Variants in LRRC49 observed in about 807,000 individuals in gnomAD.
The protein encoded by LRRC49 is leucine-rich repeat-containing protein 49.
A neutral mutation model predicts 83.3 loss-of-function variants in LRRC49; 50 were observed. That is an observed-to-expected ratio of 0.60 (90% confidence interval 0.48 to 0.76). LRRC49 has a LOEUF of 0.76. Among genes scored for constraint, LRRC49 ranks in the 30% least tolerant of loss-of-function variants. The pLI is 0.00. For missense variants in LRRC49, 704 were observed against 809.1 expected (o/e 0.87, Z 1.58); for synonymous variants, 286 against 283.3 (o/e 1.01, Z -0.10).
intron 9 of LRRC49, among the ~76,000 whole-genome samples, chr15:70,968,069 A>C (rs959245316): frequency 6.6e-6 from 1 of 151,964 alleles, no homozygotes; most frequent in African/African-American, 2.4e-5. Context: ...TACAGGTGCC[A>C]TGGTGGTTTG....
chr15:71,001,633 C>G (rs375880363), intron 11 of LRRC49, among the ~76,000 whole-genome samples: 6 of 152,000 alleles, frequency 3.9e-5, no homozygotes, highest in African/African-American at 1.2e-4. Flanking sequence ...CATTACTTTA[C>G]TATTCTTCAA....
rs1263465020 is a variant in LRRC49 at position 71,008,579 on chromosome 15, T to G, written c.1370T>G (p.Val457Gly). 7 of 1,612,362 alleles carry G rather than the reference T, an allele frequency of 4.3e-6. No homozygotes were observed. Among genetic ancestry groups the G allele is most frequent in the Non-Finnish European group, 5.9e-6 (7 of 1,178,926 alleles). The change falls in exon 12 of 16, where the codon GTG (valine) becomes GGG (glycine). Residue 457 changes from valine (V) to glycine (G), a missense_variant. By Grantham distance (109) the Val-to-Gly change is moderately radical. This residue lies in a region of LRRC49 where 275 missense variants were observed against 338.0 expected (regional missense o/e 0.81). Coordinates refer to ENST00000260382, the MANE Select transcript of LRRC49 (RefSeq NM_017691.5). ...ATAGAATTTGATGAAATCGTCCAAG[T>G]GCTTCCTAAACTGAAGATTAAGTTT... ...TFIEFDEIVQ[V>G]LPKLKIKFPN...
At chr15:70,991,482 G>A (rs2037877397) in intron 11 of LRRC49, among the ~76,000 whole-genome samples, 1 of 152,078 alleles carries the variant, frequency 6.6e-6, no homozygotes, top group Non-Finnish European at 1.5e-5. Flanking sequence ...ATCATCTCTG[G>A]ATTACTTAAA....
chr15:70,900,958 C>A lies in LRRC49; in HGVS notation c.230C>A (p.Ser77Ter). The A allele has an allele frequency of 6.2e-7, 1 of 1,610,522 alleles. No individual in the cohort carries two copies. The highest frequency in any genetic ancestry group is 8.5e-7 in the Non-Finnish European group (1 of 1,177,580). ...AATTTGGTGAGCTCATCATTGTCAT[C>A]ATTTCCTATTCTTCAACGTTCTTCT... ...HINLVSSSLSSFPILQRSSEE... is the reference protein window; with the variant it reads ...HINLVSSSLS The change falls in exon 4 of 16, where the codon TCA (serine) becomes TAA (stop). Residue 77 changes from serine (S) to a stop codon, truncating the protein, a stop_gained. Transcript: ENST00000260382. LOFTEE classifies it high-confidence loss of function.
At position 70,947,485 on chromosome 15, in the gene LRRC49, A is replaced by G. The variant is rs528552211; in HGVS notation, c.773+10663A>G. Among the ~76,000 whole-genome samples the G allele has an allele frequency of 8.5e-5, 13 of 152,254 alleles. No individual in the cohort carries two copies. The South Asian group carries it at 2.1e-3, about 24-fold the overall frequency. On this transcript the variant is annotated intron_variant, in intron 8 of 15. Transcript: ENST00000260382. ...ACATACAAAGACGTGAGTGACAGAA[A>G]CATGAAAAAAAAACCTTGCAGCTTT...
chr15:70,984,170 C>T lies in LRRC49; in HGVS notation c.1082C>T (p.Thr361Ile). ...CAACAACGAGTAGCCAATATTGCTA[C>T]AAATGAAGATAGAAAAGATTCTGAC... ...LQQQRVANIATNEDRKDSDSP... is the reference protein window; with the variant it reads ...LQQQRVANIAINEDRKDSDSP... Residue 361 changes from threonine to isoleucine, a missense_variant, in exon 11 of 16, where the codon ACA (threonine) becomes ATA (isoleucine). Coordinates refer to ENST00000260382, the MANE Select transcript of LRRC49 (RefSeq NM_017691.5). The T allele has an allele frequency of 6.2e-7, 1 of 1,613,212 alleles. No homozygotes were observed. Among genetic ancestry groups the T allele is most frequent in the Non-Finnish European group, 8.5e-7 (1 of 1,179,432 alleles).
At chr15:70,916,674 G>A (rs895462001) in intron 6 of LRRC49, among the ~76,000 whole-genome samples, 4 of 152,206 alleles carry the variant, frequency 2.6e-5, no homozygotes, top group Admixed American at 2.0e-4. Flanking sequence ...GGGAGGCGTG[G>A]CTGGGGCTGT....
chr15:70,942,034 TG>T (rs1485058393), intron 8 of LRRC49, among the ~76,000 whole-genome samples: 103 of 1,072 alleles, frequency 0.096, no homozygotes, highest in African/African-American at 0.22. Flanking sequence ...GTAAAGGTTA[TG>T]TGTGTGTGTG....
intron 10 of LRRC49, among the ~76,000 whole-genome samples, chr15:70,982,770 C>T (rs940525325): frequency 2.0e-5 from 3 of 152,178 alleles, no homozygotes; most frequent in Admixed American, 2.0e-4. Context: ...GTGTGCACCA[C>T]TGCACTCCCC....
chr15:70,970,873 C>A (rs1305055103), intron 9 of LRRC49, among the ~76,000 whole-genome samples: 1 of 152,038 alleles, frequency 6.6e-6, no homozygotes, highest in Non-Finnish European at 1.5e-5. Flanking sequence ...ATTCTTCTCT[C>A]CCTTCTTCTT....
chr15:70,859,690 C>T lies in LRRC49; in HGVS notation c.-299+6221C>T, dbSNP rs554317432. 8.6e-3 allele frequency: 5,771 copies of T among 669,922 alleles called. 46 individuals are homozygous for T. The highest frequency in any genetic ancestry group is 0.012 in the Non-Finnish European group (4,148 of 352,550). 41.5% of individuals were successfully genotyped at this position (669,922 alleles called of 1,614,324 possible). A position where few individuals can be genotyped will look rare whatever the true frequency, so the allele number is the denominator to read the frequency against. ...AGGCTGAGATTAAGGGCCTCAAAGG[C>T]CAGATGGCTTCCCTGGAGGCCACCA... On this transcript the variant is annotated intron_variant, in intron 1 of 16. Transcript: ENST00000544974.
intron 14 of LRRC49, among the ~76,000 whole-genome samples, chr15:71,030,769 T>G (rs934103386): frequency 6.6e-6 from 1 of 151,988 alleles, no homozygotes; most frequent in Non-Finnish European, 1.5e-5. Context: ...AGTAAGTTGA[T>G]CTTCAATCTC....
chr15:70,929,647 A>C (rs2035335024), intron 7 of LRRC49, among the ~76,000 whole-genome samples: 1 of 152,232 alleles, frequency 6.6e-6, no homozygotes, highest in Non-Finnish European at 1.5e-5. Context: ...ATAGCATTTT[A>C]CTTACAGTAA....
At chr15:71,026,663 G>A (rs1025622169) in intron 14 of LRRC49, among the ~76,000 whole-genome samples, 6 of 152,136 alleles carry the variant, frequency 3.9e-5, no homozygotes, top group African/African-American at 7.2e-5. Flanking sequence ...TCTCATTGTG[G>A]TTTTGATTTG....
At chr15:70,988,033 G>A (rs1345843879) in intron 11 of LRRC49, among the ~76,000 whole-genome samples, 1 of 151,952 alleles carries the variant, frequency 6.6e-6, no homozygotes, top group Non-Finnish European at 1.5e-5. Context: ...TTTTACATTT[G>A]CTGAGGAGAG....
At chr15:70,889,425 T>C (rs1460092854), upstream of LRRC49, among the ~76,000 whole-genome samples, 1 of 152,066 alleles carries the variant, frequency 6.6e-6, no homozygotes, top group African/African-American at 2.4e-5. Flanking sequence ...TATGGGGTGA[T>C]ATAGGGACTC....
At chr15:70,902,778 A>C (rs1439271238) in intron 4 of LRRC49, among the ~76,000 whole-genome samples, 1 of 152,208 alleles carries the variant, frequency 6.6e-6, no homozygotes, top group Non-Finnish European at 1.5e-5. Context: ...AAGGAAACAC[A>C]GAAGCAAAGG....
intron 14 of LRRC49, among the ~76,000 whole-genome samples, chr15:71,017,483 C>G (rs1391534643): frequency 5.3e-5 from 8 of 151,314 alleles, no homozygotes; most frequent in Non-Finnish European, 7.4e-5. Flanking sequence ...GCATGTTTAA[C>G]AGAATTTTTA....
upstream of LRRC49, chr15:70,892,473 C>T (rs966606372): frequency 9.1e-6 from 14 of 1,531,110 alleles, no homozygotes; most frequent in Non-Finnish European, 1.0e-5. Flanking sequence ...TCTTCCTCCT[C>T]CTCCTCCCTG....
Sources: allele counts gnomAD v4.1 joint callset (sites outside exome capture counted in the v4.1 genomes callset), GRCh38; gene constraint gnomAD v4.1.1; regional missense constraint gnomAD v4.1.1; transcripts MANE v1.5; gene names NCBI Gene and HGNC (gene_info 2026-07-23, HGNC 2026-07-21).